ZDHHC13: variants seen among roughly 807,000 people sequenced by gnomAD.
ZDHHC13 encodes the protein palmitoyltransferase ZDHHC13.
In ZDHHC13, 85 loss-of-function variants were observed where a neutral mutation model predicts 86.0. That is an observed-to-expected ratio of 0.99 (90% CI 0.83 to 1.18). ZDHHC13 has a LOEUF of 1.18. ZDHHC13 is among the 50% of genes most tolerant of loss of function. The probability of loss-of-function intolerance (pLI) is 0.00; values close to 1 mark genes in which losing one functional copy is unlikely to be tolerated. For missense variants in ZDHHC13, 711 were observed against 730.2 expected, an observed-to-expected ratio of 0.97 and a Z score of 0.30; for synonymous variants, 263 against 246.4, an observed-to-expected ratio of 1.07 and a Z score of -0.63.
chr11:19,142,188 TTGCTGTTGTA>T (rs1849340387), intron 1 of ZDHHC13, among the ~76,000 whole-genome samples: 1 of 152,190 alleles, frequency 6.6e-6, no homozygotes, highest in South Asian at 2.1e-4. Flanking sequence ...ATTCAGTTTC[TTGCTGTTGTA>T]TGATCAAAGT....
Position 19,143,120 on chromosome 11 carries a change from CT to C in ZDHHC13, c.171del (p.Gln58AsnfsTer12). The C allele has an allele frequency of 1.2e-6, 2 of 1,610,364 alleles. No individual in the cohort carries two copies. Among genetic ancestry groups the C allele is most frequent in the Non-Finnish European group, 1.7e-6 (2 of 1,177,934 alleles). ...AGTAACTGTGACATTGTCAAAGCTACTCAGTAAGTCTTCCAAATGCTTTGGT... is the reference window on the plus strand; with the variant it reads ...AGTAACTGTGACATTGTCAAAGCTACCAGTAAGTCTTCCAAATGCTTTGGT... ...DSSNCDIVKATQYGIFERCKE... is the reference protein window; with the variant it reads ...DSSNCDIVKAXQYGIFERCKE... On this transcript the variant is annotated frameshift_variant and splice_region_variant, in exon 2 of 17. Transcript: ENST00000446113. LOFTEE classifies it high-confidence loss of function.
chr11:19,142,511 T>G (rs2133401231), intron 1 of ZDHHC13, among the ~76,000 whole-genome samples: 1 of 152,290 alleles, frequency 6.6e-6, no homozygotes, highest in South Asian at 2.1e-4. Context: ...GAGGATATTC[T>G]TAGGGTATGT....
chr11:19,130,877 G>A (rs887700587), intron 1 of ZDHHC13, among the ~76,000 whole-genome samples: 1 of 149,166 alleles, frequency 6.7e-6, no homozygotes, highest in Non-Finnish European at 1.5e-5. Context: ...AGGGAATTTC[G>A]CTCTGTCGCC....
chr11:19,158,836 G>C (rs1193245449), intron 9 of ZDHHC13, 104 bp from the exon 10 acceptor site: 2 of 734,702 alleles, frequency 2.7e-6, no homozygotes, highest in Non-Finnish European at 4.3e-6. Context: ...AGCTATTACT[G>C]TTGCTGCTGG....
chr11:19,154,953 C>T (rs924747447), intron 8 of ZDHHC13, among the ~76,000 whole-genome samples: 1 of 152,156 alleles, frequency 6.6e-6, no homozygotes, highest in Non-Finnish European at 1.5e-5. Context: ...TTCCAGAATG[C>T]TAGACCTACT....
chr11:19,149,822 C>T (rs1480141037), intron 5 of ZDHHC13, among the ~76,000 whole-genome samples: 7 of 152,220 alleles, frequency 4.6e-5, no homozygotes, highest in African/African-American at 1.7e-4. Context: ...GTAAGTTTCA[C>T]TGTCAATTAT....
chr11:19,126,642 G>A (rs1304737702), intron 1 of ZDHHC13, among the ~76,000 whole-genome samples: 1 of 150,544 alleles, frequency 6.6e-6, no homozygotes, highest in African/African-American at 2.4e-5. Context: ...GAGCCACCAT[G>A]CCCAGCCTGC....
In ZDHHC13 at chr11:19,175,212, C is replaced by T. The variant is rs1013945104; in HGVS notation, c.1731-610C>T. Among the ~76,000 whole-genome samples the T allele has an allele frequency of 9.2e-5, 14 of 151,456 alleles. No individual in the cohort carries two copies. The South Asian group carries it at 1.3e-3, about 14-fold the overall frequency. ...GACCATCCTGGCTAACACGGTGAAA[C>T]CCCGTCTCTACTAAAAAAATACAAA... On this transcript the variant is annotated intron_variant, in intron 16 of 16. Coordinates refer to ENST00000446113, the MANE Select transcript of ZDHHC13 (RefSeq NM_019028.3).
chr11:19,169,581 C>A (rs140361067), intron 14 of ZDHHC13: 1 of 985,276 alleles, frequency 1.0e-6, no homozygotes, highest in African/African-American at 1.7e-5. Context: ...AGGTGCAAAT[C>A]GACAGAATTA....
Position 19,144,502 on chromosome 11 carries a change from TTA to T in ZDHHC13, c.173+1381_173+1382del, listed in dbSNP as rs146832911. On this transcript the variant is annotated intron_variant, in intron 2 of 16. Coordinates refer to ENST00000446113, the MANE Select transcript of ZDHHC13 (RefSeq NM_019028.3). ...AGCAAAACCTGAATGTATATTCTTA[TTA>T]TGTTTCTAAAATAAAGGGAGTATTT... 6.8e-3 allele frequency among the ~76,000 whole-genome samples: 1,026 copies of T among 151,712 alleles called. 9 individuals are homozygous for T. Among genetic ancestry groups the T allele is most frequent in the African/African-American group, 0.023 (968 of 41,380 alleles).
intron 1 of ZDHHC13, among the ~76,000 whole-genome samples, chr11:19,133,254 G>T (rs548029052): frequency 1.1e-4 from 17 of 152,044 alleles, no homozygotes; most frequent in Admixed American, 1.1e-3. Context: ...TACCCTTCAG[G>T]GGAAAGTTTA....
At chr11:19,155,438 AG>A (rs1434962925) in intron 8 of ZDHHC13, among the ~76,000 whole-genome samples, 6 of 151,992 alleles carry the variant, frequency 3.9e-5, no homozygotes, top group Admixed American at 3.9e-4. Flanking sequence ...AAAATTAGCC[AG>A]GCATGGTGGT....
In ZDHHC13 at chr11:19,155,921, G is replaced by A. The variant is rs1385807115; in HGVS notation, c.999G>A (p.Leu333=). ...TAACACTGTTTTTTCTGACATCTTT[G>A]TTTCCAAGGTGTGTATGTTAATTTT... ...LLVTLFFLTS[L]FPRFLVGYKN... The change falls in exon 9 of 17, where the codon TTG becomes TTA. Residue 333 remains leucine (L), a synonymous_variant. Coordinates refer to ENST00000446113, the MANE Select transcript of ZDHHC13 (RefSeq NM_019028.3). 1 of 1,605,314 alleles carries A rather than the reference G, an allele frequency of 6.2e-7. No individual in the cohort carries two copies. The highest frequency in any genetic ancestry group is 1.1e-5 in the South Asian group (1 of 88,572).
At chr11:19,118,497 T>C (rs1003331675) in intron 1 of ZDHHC13, among the ~76,000 whole-genome samples, 1 of 150,122 alleles carries the variant, frequency 6.7e-6, no homozygotes, top group Non-Finnish European at 1.5e-5. Flanking sequence ...TCAGAGAGGC[T>C]CAAAGAAAAG....
chr11:19,150,796 G>A lies in ZDHHC13; in HGVS notation c.584+5G>A, dbSNP rs1849586408. The A allele has an allele frequency of 6.2e-7, 1 of 1,607,098 alleles. No individual in the cohort carries two copies. The highest frequency in any genetic ancestry group is 8.5e-7 in the Non-Finnish European group (1 of 1,175,010). ...ATCAGCTCACAAAGTAATTGGGTGAGTTTAATTTAGTCCACTCAATCTCAT... is the reference window on the plus strand; with the variant it reads ...ATCAGCTCACAAAGTAATTGGGTGAATTTAATTTAGTCCACTCAATCTCAT... On this transcript the variant is annotated splice_donor_5th_base_variant and intron_variant, in intron 6 of 16. Coordinates refer to ENST00000446113, the MANE Select transcript of ZDHHC13 (RefSeq NM_019028.3).
chr11:19,166,355 T>A lies in ZDHHC13; in HGVS notation c.1444T>A (p.Cys482Ser). The change falls in exon 14 of 17, where the codon TGT (cysteine) becomes AGT (serine). Residue 482 changes from cysteine to serine, a missense_variant. By Grantham distance (112) the Cys-to-Ser change is moderately radical. Transcript: ENST00000446113. ...IFFLFFLSMV[C>S]GWIIYGSFIY... ...CTTCTTGTTTTTCCTTTCCATGGTA[T>A]GTGGCTGGATTATATATGGATCTTT... is the stretch of plus-strand genomic sequence containing the variant. 3.7e-6 allele frequency: 6 copies of A among 1,612,742 alleles called. No individual in the cohort carries two copies. Among genetic ancestry groups the A allele is most frequent in the Non-Finnish European group, 5.1e-6 (6 of 1,179,510 alleles).
intron 16 of ZDHHC13, among the ~76,000 whole-genome samples, chr11:19,173,972 C>G (rs972902111): frequency 9.2e-5 from 14 of 152,172 alleles, no homozygotes; most frequent in African/African-American, 3.4e-4. Context: ...AAACCTGAGT[C>G]CCGCCCAAAC....
At position 19,127,848 on chromosome 11, in the gene ZDHHC13, TGTA is replaced by T. The variant is rs1433049638; in HGVS notation, c.27+10575_27+10577del. The stretch of plus-strand genomic sequence containing the variant: ...ACTGACATCATGCTGTTTTGGTTAT[TGTA>T]GTGCTATAGTATCGTTTGAAGTCAG... On this transcript the variant is annotated intron_variant, in intron 1 of 16. Transcript: ENST00000446113. Among the ~76,000 whole-genome samples, 5 of 152,228 alleles carry T rather than the reference TGTA, an allele frequency of 3.3e-5. No homozygotes were observed. The South Asian group carries it at 8.3e-4, about 25-fold the overall frequency.
chr11:19,150,765 C>T lies in ZDHHC13; in HGVS notation c.558C>T (p.Leu186=). The change falls in exon 6 of 17, where the codon CTC becomes CTT. Residue 186 remains leucine, a synonymous_variant. Transcript: ENST00000446113. ...CAGATGTAAATGGGCAGACACCTCT[C>T]ATGTTATCAGCTCACAAAGTAATTG... ...NMTDVNGQTP[L]MLSAHKVIGP... The T allele has an allele frequency of 1.2e-6, 2 of 1,610,978 alleles. No homozygotes were observed. The highest frequency in any genetic ancestry group is 1.7e-6 in the Non-Finnish European group (2 of 1,177,768).
Sources: allele counts gnomAD v4.1 joint callset (sites outside exome capture counted in the v4.1 genomes callset), GRCh38; gene constraint gnomAD v4.1.1; transcripts MANE v1.5; gene names NCBI Gene and HGNC (gene_info 2026-07-23, HGNC 2026-07-21).